STPG2: variants seen among roughly 807,000 people sequenced by gnomAD.
The protein encoded by STPG2 is sperm-tail PG-rich repeat-containing protein 2.
STPG2 carries 56 observed loss-of-function variants against 54.2 expected under a neutral mutation model. That is an observed-to-expected ratio of 1.03 (90% CI 0.83 to 1.29). The LOEUF (loss-of-function observed/expected upper bound fraction) is 1.29, where lower values mean the gene tolerates loss of function less well. Ranked by LOEUF, STPG2 falls within the 50% of genes most tolerant of loss-of-function variation. The pLI is 0.00. For synonymous variants in STPG2, 200 were observed against 181.8 expected (o/e 1.10, Z -0.81); for missense variants, 596 against 544.9 (o/e 1.09, Z -0.93).
At chr4:97,682,710 T>C (rs1035931732) in intron 10 of STPG2, among the ~76,000 whole-genome samples, 9 of 151,830 alleles carry the variant, frequency 5.9e-5, no homozygotes, top group African/African-American at 1.9e-4. Context: ...ATCACCATTA[T>C]CAGATGGGGA....
At chr4:97,932,091 C>G (rs940202743) in intron 8 of STPG2, among the ~76,000 whole-genome samples, 2 of 152,050 alleles carry the variant, frequency 1.3e-5, no homozygotes, top group African/African-American at 4.8e-5. Context: ...TAGTAACATT[C>G]CCTTTGTCAT....
At chr4:97,980,372 T>G (rs1048391925) in intron 6 of STPG2, among the ~76,000 whole-genome samples, 1 of 152,190 alleles carries the variant, frequency 6.6e-6, no homozygotes, top group African/African-American at 2.4e-5. Flanking sequence ...CACTGAGAGA[T>G]AAAGTTTCAT....
At chr4:97,667,228 G>A (rs567834881) in intron 10 of STPG2, among the ~76,000 whole-genome samples, 2 of 152,300 alleles carry the variant, frequency 1.3e-5, no homozygotes, top group African/African-American at 2.4e-5. Flanking sequence ...AAAGGACCAC[G>A]ACAATATGTA....
intron 4 of STPG2, among the ~76,000 whole-genome samples, chr4:97,541,079 T>G (rs1397468962): frequency 6.6e-6 from 1 of 152,174 alleles, no homozygotes; most frequent in Non-Finnish European, 1.5e-5. Flanking sequence ...ATGACTTCTC[T>G]CAACACTCCT....
chr4:97,824,540 G>A (rs546857925), intron 9 of STPG2, among the ~76,000 whole-genome samples: 1 of 152,220 alleles, frequency 6.6e-6, no homozygotes, highest in African/African-American at 2.4e-5. Context: ...GATAGAACAG[G>A]GGCTTAGGGC....
rs201845883 is a variant in STPG2 at position 97,854,131 on chromosome 4, TC to T, written c.1045-13200del. On this transcript the variant is annotated intron_variant, in intron 8 of 10. Coordinates refer to ENST00000295268, the MANE Select transcript of STPG2 (RefSeq NM_174952.3). The stretch of plus-strand genomic sequence containing the variant: ...ATGAGCCACTATTCTTAAATGATAC[TC>T]TATTTTAGCATCCGTCTATCAGCCT... 6.7e-3 allele frequency among the ~76,000 whole-genome samples: 1,021 copies of T among 152,278 alleles called. 24 individuals are homozygous for T. Among genetic ancestry groups the T allele is most frequent in the Middle Eastern group, 0.054 (16 of 294 alleles).
intron 7 of STPG2, among the ~76,000 whole-genome samples, chr4:97,952,442 G>C (rs1051472980): frequency 6.6e-6 from 1 of 152,130 alleles, no homozygotes; most frequent in African/African-American, 2.4e-5. Flanking sequence ...CTGCCAGCTG[G>C]ATTCTTTTGT....
At chr4:97,836,869 CAAT>C (rs1331582598) in intron 9 of STPG2, among the ~76,000 whole-genome samples, 1 of 146,416 alleles carries the variant, frequency 6.8e-6, no homozygotes, top group Non-Finnish European at 1.5e-5. Flanking sequence ...TAATTAATAA[CAAT>C]AAATTAATAT....
chr4:98,075,782 C>A (rs575615076), intron 5 of STPG2, among the ~76,000 whole-genome samples: 5 of 152,198 alleles, frequency 3.3e-5, no homozygotes, highest in Middle Eastern at 3.4e-3. Flanking sequence ...TAATAAAATG[C>A]AGCTTCAAAA....
At chr4:97,894,962 G>A (rs1730904514) in intron 8 of STPG2, among the ~76,000 whole-genome samples, 2 of 151,904 alleles carry the variant, frequency 1.3e-5, no homozygotes, top group African/African-American at 2.4e-5. Context: ...TCAATTTGAT[G>A]ATTTTCAACC....
chr4:97,639,094 C>T (rs1040704610), intron 10 of STPG2, among the ~76,000 whole-genome samples: 17 of 151,992 alleles, frequency 1.1e-4, no homozygotes, highest in African/African-American at 3.6e-4. Flanking sequence ...TGGAACCAAC[C>T]CAAATGTCCA....
chr4:97,585,850 C>G (rs1021437703), intron 10 of STPG2, among the ~76,000 whole-genome samples: 1 of 151,750 alleles, frequency 6.6e-6, no homozygotes, highest in Non-Finnish European at 1.5e-5. Context: ...GTGCGCTGAA[C>G]CTAAACAGAG....
At chr4:97,584,615 A>G (rs1732946357) in intron 10 of STPG2, among the ~76,000 whole-genome samples, 1 of 151,972 alleles carries the variant, frequency 6.6e-6, no homozygotes, top group South Asian at 2.1e-4. Flanking sequence ...AGATAAACAA[A>G]AATGATAGAC....
At position 97,461,426 on chromosome 4, in the gene STPG2, T is replaced by C. The variant is rs1421790234; in HGVS notation, c.462+251273A>G. Among the ~76,000 whole-genome samples, 12 of 152,324 alleles carry C rather than the reference T, an allele frequency of 7.9e-5. No homozygotes were observed. In the East Asian group the frequency reaches 2.1e-3, roughly 27 times the overall value. ...ACTTTGGGAGGTAATTAGATCACGATGGTTGAGCCCTCATGAATGAAATAA... is the reference window on the plus strand; with the variant it reads ...ACTTTGGGAGGTAATTAGATCACGACGGTTGAGCCCTCATGAATGAAATAA... On this transcript the variant is annotated intron_variant, in intron 4 of 4. Transcript: ENST00000522676.
chr4:97,787,564 T>C (rs1339114003), intron 9 of STPG2, among the ~76,000 whole-genome samples: 1 of 152,086 alleles, frequency 6.6e-6, no homozygotes, highest in African/African-American at 2.4e-5. Flanking sequence ...TCGTGAGAGA[T>C]ACTAATTTGT....
intron 5 of STPG2, among the ~76,000 whole-genome samples, chr4:98,001,233 A>G (rs977311580): frequency 1.3e-5 from 2 of 152,018 alleles, no homozygotes; most frequent in Admixed American, 1.3e-4. Flanking sequence ...CAAGAATTAT[A>G]TAAGGCTTTT....
rs1317148598 is a variant in STPG2 at position 97,709,132 on chromosome 4, TAGAA to T, written c.1320+3563_1320+3566del. 3.3e-5 allele frequency among the ~76,000 whole-genome samples: 5 copies of T among 151,842 alleles called. No individual in the cohort carries two copies. The South Asian group carries it at 1.0e-3, about 32-fold the overall frequency. ...TTTCATCAAAAGAATTTCAAAGTAA[TAGAA>T]AGTAAATGACTCAATTGAATTAATT... On this transcript the variant is annotated intron_variant, in intron 10 of 10. Coordinates refer to ENST00000295268, the MANE Select transcript of STPG2 (RefSeq NM_174952.3).
chr4:97,948,714 A>G (rs571843396), intron 7 of STPG2, among the ~76,000 whole-genome samples: 1 of 152,212 alleles, frequency 6.6e-6, no homozygotes, highest in Admixed American at 6.5e-5. Context: ...ATGTATAGGT[A>G]TAGTTTTGAG....
At chr4:97,980,855 A>G (rs562103928) in intron 6 of STPG2, among the ~76,000 whole-genome samples, 7 of 152,330 alleles carry the variant, frequency 4.6e-5, no homozygotes, top group Admixed American at 3.3e-4. Context: ...TGGTGACCAC[A>G]TAGTTGATAT....
Sources: allele counts gnomAD v4.1 joint callset (sites outside exome capture counted in the v4.1 genomes callset), GRCh38; gene constraint gnomAD v4.1.1; transcripts MANE v1.5; gene names NCBI Gene and HGNC (gene_info 2026-07-23, HGNC 2026-07-21).